MICAL2: variants seen among roughly 807,000 people sequenced by gnomAD.
The protein encoded by MICAL2 is microtubule associated monooxygenase, calponin and LIM domain containing 2.
A neutral mutation model predicts 127.3 loss-of-function variants in MICAL2; 77 were observed. The ratio of observed to expected loss-of-function variants is 0.60; its 90% CI spans 0.50 to 0.73. The LOEUF is 0.73. MICAL2 is among the 30% of genes least tolerant of loss of function. MICAL2 has a pLI of 0.00. For missense variants in MICAL2, 1,351 were observed against 1,434.4 expected (o/e 0.94, Z 0.94); for synonymous variants, 570 against 551.1 (o/e 1.03, Z -0.48).
At chr11:12,200,939 C>G (rs967023691) in intron 3 of MICAL2, among the ~76,000 whole-genome samples, 4 of 152,118 alleles carry the variant, frequency 2.6e-5, no homozygotes, top group African/African-American at 9.7e-5. Flanking sequence ...CCTTCTACCC[C>G]TGCTCCAAAA....
intron 2 of MICAL2, among the ~76,000 whole-genome samples, chr11:12,147,716 C>T (rs764334999): frequency 3.3e-5 from 5 of 152,230 alleles, no homozygotes; most frequent in Non-Finnish European, 7.3e-5. Context: ...GTTCCCTTGG[C>T]ATCCACAGCA....
chr11:12,262,585 C>T, intron 27 of MICAL2, 48 bp downstream of exon 27: 2 of 1,513,450 alleles, frequency 1.3e-6, no homozygotes, highest in Admixed American at 1.7e-5. Context: ...TAACCCCCAA[C>T]CCGCTTTCCG....
At chr11:12,230,715 C>CCG (rs386373111) in intron 15 of MICAL2, among the ~76,000 whole-genome samples, 2 of 58,402 alleles carry the variant, frequency 3.4e-5, no homozygotes, top group African/African-American at 1.7e-4. Flanking sequence ...ATTCTTCTTT[C>CCG]CCCCCCCATC....
chr11:12,183,594 T>A (rs1275167184), intron 3 of MICAL2, among the ~76,000 whole-genome samples: 1 of 152,026 alleles, frequency 6.6e-6, no homozygotes, highest in Non-Finnish European at 1.5e-5. Flanking sequence ...ACTGTGGAGG[T>A]GAGAGGGACA....
At chr11:12,190,054 G>A (rs1000890111) in intron 3 of MICAL2, among the ~76,000 whole-genome samples, 1 of 152,218 alleles carries the variant, frequency 6.6e-6, no homozygotes, top group East Asian at 1.9e-4. Flanking sequence ...ACTTTATGGT[G>A]TAAGGTGACC....
chr11:12,197,458 A>G (rs1860084803), intron 3 of MICAL2: 1 of 152,228 alleles, frequency 6.6e-6, no homozygotes, highest in Non-Finnish European at 1.5e-5. Context: ...TATTATTAAT[A>G]CTATTATTAT....
intron 7 of MICAL2, among the ~76,000 whole-genome samples, chr11:12,214,171 A>T (rs1468394214): frequency 6.6e-6 from 1 of 152,198 alleles, no homozygotes; most frequent in Non-Finnish European, 1.5e-5. Context: ...GGTGAGGGGA[A>T]AGGGGGACGA....
intron 27 of MICAL2, 149 bp downstream of exon 27, chr11:12,262,686 A>G: frequency 1.4e-6 from 1 of 706,854 alleles, no homozygotes. Context: ...GTTGGCTAAC[A>G]GCATGGCGGG....
chr11:12,339,161 C>G (rs955422800), intron 32 of MICAL2, among the ~76,000 whole-genome samples: 1 of 152,132 alleles, frequency 6.6e-6, no homozygotes, highest in African/African-American at 2.4e-5. Context: ...TTTCTTTTTA[C>G]TCTTTTTTCT....
downstream of MICAL2, among the ~76,000 whole-genome samples, chr11:12,360,268 A>C (rs994768596): frequency 6.6e-6 from 1 of 152,166 alleles, no homozygotes; most frequent in African/African-American, 2.4e-5. Flanking sequence ...GTGAGAATTG[A>C]TAATATCATT....
Position 12,226,290 on chromosome 11 carries a change from A to G in MICAL2, c.1808A>G (p.Gln603Arg), listed in dbSNP as rs1471805726. The change falls in exon 14 of 28, where the codon CAG becomes CGG. Residue 603 changes from glutamine to arginine, a missense_variant. Physicochemically the swap from Gln to Arg is conservative, Grantham distance 43. Around this residue, in one of 2 missense-constraint regions of MICAL2, gnomAD observed 752 missense variants for 719.4 expected, o/e 1.05. Transcript: ENST00000683283. ...VTTGKEMASA[Q>R]EPDKLSMVMY... ...ACGGGCAAAGAGATGGCATCTGCCC[A>G]GGAGCCTGACAAGCTCAGCATGGTC... The G allele has an allele frequency of 4.3e-6, 7 of 1,614,260 alleles. No homozygotes were observed.
At chr11:12,288,668 A>G (rs1017544726), downstream of MICAL2, among the ~76,000 whole-genome samples, 9 of 152,180 alleles carry the variant, frequency 5.9e-5, no homozygotes, top group South Asian at 4.1e-4. Context: ...GAGGAACCCA[A>G]TCCTTGTTTG....
chr11:12,152,297 C>CAAAAAA (rs540812572), intron 2 of MICAL2, among the ~76,000 whole-genome samples: 41 of 38,380 alleles, frequency 1.1e-3, no homozygotes, highest in Non-Finnish European at 1.4e-3. Flanking sequence ...GACTCTGTCT[C>CAAAAAA]AAAAAAAAAA....
At chr11:12,144,592 G>A (rs1371117845) in intron 2 of MICAL2, among the ~76,000 whole-genome samples, 4 of 152,164 alleles carry the variant, frequency 2.6e-5, no homozygotes, top group African/African-American at 9.7e-5. Flanking sequence ...TCTCAATGTA[G>A]TGAATTGCTC....
At chr11:12,119,469 A>C (rs559593488) in intron 1 of MICAL2, among the ~76,000 whole-genome samples, 1 of 152,326 alleles carries the variant, frequency 6.6e-6, no homozygotes, top group East Asian at 1.9e-4. Context: ...GCAGCACTTA[A>C]ATTCAGCAGA....
At chr11:12,289,024 C>G (rs899229125), downstream of MICAL2, among the ~76,000 whole-genome samples, 12 of 152,264 alleles carry the variant, frequency 7.9e-5, no homozygotes, top group African/African-American at 2.9e-4. Flanking sequence ...ACAGCTGGTT[C>G]TGGCCCCAAG....
intron 32 of MICAL2, among the ~76,000 whole-genome samples, chr11:12,331,808 G>C (rs1337988750): frequency 2.0e-5 from 3 of 152,196 alleles, no homozygotes; most frequent in Admixed American, 2.0e-4. Context: ...CCACAAAAGG[G>C]CCTGAAATAA....
intron 2 of MICAL2, chr11:12,161,474 A>T: frequency 6.6e-6 from 1 of 152,476 alleles, no homozygotes; most frequent in Non-Finnish European, 1.5e-5. Flanking sequence ...TGATACCAGG[A>T]GCAGAAGTTT....
At chr11:12,183,671 G>A (rs891148558) in intron 3 of MICAL2, among the ~76,000 whole-genome samples, 15 of 152,334 alleles carry the variant, frequency 9.8e-5, no homozygotes, top group South Asian at 6.2e-4. Flanking sequence ...TACCCTTGAA[G>A]CTCTTATTTC....
Sources: gnomAD v4.1 joint callset for allele counts (sites outside exome capture counted in the v4.1 genomes callset) on GRCh38, gnomAD v4.1.1 for gene constraint, gnomAD v4.1.1 regional missense constraint, MANE v1.5 for transcripts, NCBI Gene and HGNC (gene_info 2026-07-23, HGNC 2026-07-21) for gene names.